DGKB: variants seen among roughly 807,000 people sequenced by gnomAD.
DGKB encodes the protein diacylglycerol kinase beta, also known as 90 kDa diacylglycerol kinase.
DGKB carries 67 observed loss-of-function variants against 114.3 expected under a neutral mutation model. The ratio of observed to expected loss-of-function variants is 0.59; its 90% CI spans 0.48 to 0.72. DGKB has a LOEUF of 0.72. DGKB is among the 30% of genes least tolerant of loss of function. The probability of loss-of-function intolerance (pLI) is 0.00; values close to 1 mark genes in which losing one functional copy is unlikely to be tolerated. For missense variants in DGKB, 907 were observed against 975.2 expected (o/e 0.93, Z 0.93); for synonymous variants, 398 against 323.1 (o/e 1.23, Z -2.49).
chr7:14,595,148 G>C (rs1263240241), intron 17 of DGKB, among the ~76,000 whole-genome samples: 2 of 152,036 alleles, frequency 1.3e-5, no homozygotes, highest in Admixed American at 1.3e-4. Flanking sequence ...TTAATTAGCT[G>C]ATGAATTGGG....
intron 23 of DGKB, among the ~76,000 whole-genome samples, chr7:14,323,147 T>G (rs2128540917): frequency 6.6e-6 from 1 of 152,262 alleles, no homozygotes; most frequent in Non-Finnish European, 1.5e-5. Context: ...CTCATAAAAT[T>G]AATACTATAA....
chr7:14,251,588 T>C (rs1795244089), intron 23 of DGKB, among the ~76,000 whole-genome samples: 1 of 152,170 alleles, frequency 6.6e-6, no homozygotes, highest in African/African-American at 2.4e-5. Context: ...TTTACCTTTA[T>C]AGGGAGTTTT....
intron 23 of DGKB, among the ~76,000 whole-genome samples, chr7:14,329,908 A>G (rs1014501017): frequency 2.6e-5 from 4 of 152,030 alleles, no homozygotes; most frequent in African/African-American, 4.8e-5. Context: ...AAATTGACTT[A>G]AAGTTAAGAT....
At chr7:14,527,286 A>T (rs1455642608) in intron 20 of DGKB, among the ~76,000 whole-genome samples, 1 of 152,162 alleles carries the variant, frequency 6.6e-6, no homozygotes, top group Non-Finnish European at 1.5e-5. Context: ...GGTTGGCATT[A>T]TCCACTGTAT....
In DGKB at chr7:14,421,880, A is replaced by G. The variant is rs1398281976; in HGVS notation, c.1835+56281T>C. ...ACAAATATGGGGCTCAGAAGTATCT[A>G]TTTAAGTGCCAATATTAAATATCTC... is the stretch of plus-strand genomic sequence containing the variant. On this transcript the variant is annotated intron_variant, in intron 21 of 25. Transcript: ENST00000402815. Among the ~76,000 whole-genome samples the G allele has an allele frequency of 7.2e-5, 11 of 152,164 alleles. No homozygotes were observed. In the East Asian group the frequency reaches 1.9e-3, roughly 27 times the overall value.
At chr7:14,915,369 T>A (rs1784193790) in intron 1 of DGKB, among the ~76,000 whole-genome samples, 1 of 152,068 alleles carries the variant, frequency 6.6e-6, no homozygotes, top group Admixed American at 6.6e-5. Context: ...AATCACCGAA[T>A]GTGACCCTAA....
At chr7:14,591,660 T>C (rs925423886) in intron 17 of DGKB, among the ~76,000 whole-genome samples, 1 of 152,112 alleles carries the variant, frequency 6.6e-6, no homozygotes, top group Non-Finnish European at 1.5e-5. Context: ...TTAACGACAC[T>C]TTTTTGTACA....
intron 10 of DGKB, 60 bp from the exon 11 acceptor site, chr7:14,682,901 G>A: frequency 8.5e-7 from 1 of 1,179,654 alleles, no homozygotes; most frequent in Non-Finnish European, 1.2e-6. Context: ...TAATTTTATA[G>A]AGAAAGAATG....
intron 23 of DGKB, among the ~76,000 whole-genome samples, chr7:14,240,679 G>A (rs1793508925): frequency 6.6e-6 from 1 of 152,050 alleles, no homozygotes. Context: ...TTTCTGCCAT[G>A]TGGGTCTCCT....
intron 21 of DGKB, among the ~76,000 whole-genome samples, chr7:14,375,335 G>A (rs905426013): frequency 7.2e-5 from 11 of 152,210 alleles, no homozygotes; most frequent in Admixed American, 6.5e-5. Context: ...TCTTTTGTGA[G>A]TAGAATGGAT....
chr7:14,525,556 T>G (rs1423937858), intron 20 of DGKB, among the ~76,000 whole-genome samples: 1 of 152,136 alleles, frequency 6.6e-6, no homozygotes, highest in Admixed American at 6.6e-5. Context: ...AATGATTGGG[T>G]ACATGTCCTT....
chr7:14,874,545 A>G (rs1054696725), intron 1 of DGKB, among the ~76,000 whole-genome samples: 2 of 151,986 alleles, frequency 1.3e-5, no homozygotes, highest in Admixed American at 1.3e-4. Context: ...AGCACATATC[A>G]TATAATTTTC....
intron 6 of DGKB, among the ~76,000 whole-genome samples, chr7:14,717,675 G>T (rs1468264694): frequency 6.6e-6 from 1 of 151,974 alleles, no homozygotes; most frequent in Non-Finnish European, 1.5e-5. Flanking sequence ...ATTTACATTT[G>T]CTTCAGAAGT....
chr7:14,544,756 G>C (rs1794018294), intron 20 of DGKB, among the ~76,000 whole-genome samples: 1 of 152,016 alleles, frequency 6.6e-6, no homozygotes, highest in Admixed American at 6.6e-5. Context: ...GTTGTTTTTT[G>C]ACAGGAAAAG....
At chr7:14,520,135 G>C (rs558309806) in intron 20 of DGKB, among the ~76,000 whole-genome samples, 17 of 150,360 alleles carry the variant, frequency 1.1e-4, no homozygotes, top group Middle Eastern at 7.1e-3. Context: ...AGACACAAAA[G>C]ATTTCCTCAT....
intron 1 of DGKB, among the ~76,000 whole-genome samples, chr7:14,967,549 G>T (rs1287838750): frequency 1.3e-5 from 2 of 150,136 alleles, no homozygotes; most frequent in African/African-American, 4.9e-5. Flanking sequence ...TTGAGCTCCC[G>T]GCCTCAAGTG....
intron 1 of DGKB, among the ~76,000 whole-genome samples, chr7:14,922,773 T>C (rs1784573053): frequency 6.6e-6 from 1 of 152,186 alleles, no homozygotes; most frequent in African/African-American, 2.4e-5. Context: ...TACAGTGTTA[T>C]GTTTTGAGCT....
At chr7:14,464,517 ATCAG>A (rs1260740800) in intron 21 of DGKB, among the ~76,000 whole-genome samples, 1 of 152,238 alleles carries the variant, frequency 6.6e-6, no homozygotes, top group Non-Finnish European at 1.5e-5. Context: ...ACTACTAAAC[ATCAG>A]TAAGTAAGAA....
chr7:14,916,790 T>C (rs1226461963), intron 1 of DGKB, among the ~76,000 whole-genome samples: 1 of 152,020 alleles, frequency 6.6e-6, no homozygotes, highest in Non-Finnish European at 1.5e-5. Flanking sequence ...CAATCAACTA[T>C]ATCTAATTGA....
Sources: allele counts gnomAD v4.1 joint callset (sites outside exome capture counted in the v4.1 genomes callset), GRCh38; gene constraint gnomAD v4.1.1; transcripts MANE v1.5; gene names NCBI Gene and HGNC (gene_info 2026-07-23, HGNC 2026-07-21).